Variants in UBE2R2 observed in about 807,000 individuals in gnomAD.
The protein encoded by UBE2R2 is ubiquitin-conjugating enzyme E2 R2.
UBE2R2 carries 1 observed loss-of-function variant against 27.8 expected under a neutral mutation model. The observed-to-expected ratio is 0.04, with a 90% CI of 0.01 to 0.17. The LOEUF is 0.17. Ranked by LOEUF, UBE2R2 falls within the 10% of genes least tolerant of loss-of-function variation. The pLI is 1.00. For synonymous variants in UBE2R2, 106 were observed against 113.3 expected, an observed-to-expected ratio of 0.94 and a Z score of 0.41; for missense variants, 100 against 291.0, an observed-to-expected ratio of 0.34 and a Z score of 4.78.
intron 1 of UBE2R2, among the ~76,000 whole-genome samples, chr9:33,826,106 A>G (rs1156673613): frequency 1.3e-5 from 2 of 151,246 alleles, no homozygotes; most frequent in Non-Finnish European, 2.9e-5. Context: ...ATCTTGTGCC[A>G]CTGCACTCCA....
At chr9:33,824,444 G>A (rs557000377) in intron 1 of UBE2R2, among the ~76,000 whole-genome samples, 37 of 152,106 alleles carry the variant, frequency 2.4e-4, no homozygotes, top group Non-Finnish European at 4.9e-4. Context: ...AGATCATCCT[G>A]GCTAACGTGG....
Position 33,917,245 on chromosome 9 carries a change from C to T in UBE2R2, c.*8C>T, listed in dbSNP as rs752002054. 7 of 1,613,694 alleles carry T rather than the reference C, an allele frequency of 4.3e-6. No homozygotes were observed. The African/African-American group carries it at 9.3e-5, about 22-fold the overall frequency. On this transcript the variant is annotated 3_prime_UTR_variant, in exon 5 of 5. Coordinates refer to ENST00000263228, the MANE Select transcript of UBE2R2 (RefSeq NM_017811.4). ...GGGAATGAGGAGTCGTGACGTGCTC[C>T]TTCAGTGCCCCTGTACTGCCCTGCC...
intron 3 of UBE2R2, 23 bp downstream of exon 3, chr9:33,900,294 A>T: frequency 1.9e-6 from 3 of 1,559,848 alleles, no homozygotes; most frequent in Non-Finnish European, 2.6e-6. Context: ...CTGGTTTTGG[A>T]GTTATTCTTA....
intron 2 of UBE2R2, among the ~76,000 whole-genome samples, chr9:33,897,386 C>T (rs568970693): frequency 8.8e-5 from 13 of 147,804 alleles, no homozygotes; most frequent in East Asian, 4.0e-4. Flanking sequence ...GGTGTGATCT[C>T]GGCTCACCGC....
At chr9:33,827,668 A>C (rs59747303) in intron 1 of UBE2R2, among the ~76,000 whole-genome samples, 1 of 151,810 alleles carries the variant, frequency 6.6e-6, no homozygotes, top group Non-Finnish European at 1.5e-5. Flanking sequence ...AATTAATAAA[A>C]TTAAATTAAA....
chr9:33,872,700 C>T (rs1036190947), intron 1 of UBE2R2, among the ~76,000 whole-genome samples: 6 of 151,614 alleles, frequency 4.0e-5, no homozygotes, highest in Non-Finnish European at 7.4e-5. Flanking sequence ...GCAGGAGAAT[C>T]GCTTGAACCT....
intron 1 of UBE2R2, among the ~76,000 whole-genome samples, chr9:33,886,544 A>G (rs1821856651): frequency 6.6e-6 from 1 of 151,010 alleles, no homozygotes; most frequent in Admixed American, 6.7e-5. Flanking sequence ...AGTCCCAGCT[A>G]CTCGGGAGGC....
intron 2 of UBE2R2, among the ~76,000 whole-genome samples, chr9:33,892,331 A>G (rs1822006244): frequency 6.6e-6 from 1 of 152,232 alleles, no homozygotes; most frequent in South Asian, 2.1e-4. Context: ...TCTTTACTAC[A>G]GACTTCACAG....
chr9:33,907,891 C>A (rs757678677), intron 3 of UBE2R2, among the ~76,000 whole-genome samples: 1 of 151,984 alleles, frequency 6.6e-6, no homozygotes, highest in Non-Finnish European at 1.5e-5. Flanking sequence ...TGCAATGGCA[C>A]GATCTCGGCT....
At chr9:33,879,002 G>A (rs187442127) in intron 1 of UBE2R2, among the ~76,000 whole-genome samples, 5 of 152,250 alleles carry the variant, frequency 3.3e-5, no homozygotes, top group Non-Finnish European at 5.9e-5. Flanking sequence ...AGCATTTTAG[G>A]AGGCCAAAGC....
intron 1 of UBE2R2, among the ~76,000 whole-genome samples, chr9:33,826,968 A>T (rs1002946993): frequency 6.6e-6 from 1 of 152,150 alleles, no homozygotes; most frequent in African/African-American, 2.4e-5. Flanking sequence ...CTGTAGTCCC[A>T]GCTATCCGAG....
At chr9:33,897,775 C>CTTTTTTTTT (rs35277355) in intron 2 of UBE2R2, among the ~76,000 whole-genome samples, 5 of 127,974 alleles carry the variant, frequency 3.9e-5, no homozygotes, top group African/African-American at 1.2e-4. Context: ...TTTCTTTTTT[C>CTTTTTTTTT]TTTTTTTTTT....
At chr9:33,908,485 G>A (rs1314290595) in intron 3 of UBE2R2, among the ~76,000 whole-genome samples, 1 of 128,930 alleles carries the variant, frequency 7.8e-6, no homozygotes, top group Non-Finnish European at 1.9e-5. Flanking sequence ...GAAAGATTCT[G>A]CTCTTCAGAC....
chr9:33,910,115 T>C (rs1040025274), intron 3 of UBE2R2, among the ~76,000 whole-genome samples: 1 of 152,144 alleles, frequency 6.6e-6, no homozygotes, highest in Non-Finnish European at 1.5e-5. Flanking sequence ...AGGAGTAATT[T>C]GGAACAGTTT....
intron 1 of UBE2R2, among the ~76,000 whole-genome samples, chr9:33,832,717 ATT>A (rs1204243885): frequency 8.5e-5 from 13 of 152,064 alleles, no homozygotes; most frequent in Non-Finnish European, 1.5e-4. Flanking sequence ...TTGAACTTTA[ATT>A]AAATTTTTTC....
intron 1 of UBE2R2, among the ~76,000 whole-genome samples, chr9:33,869,719 G>A (rs1821443255): frequency 6.6e-6 from 1 of 151,790 alleles, no homozygotes; most frequent in Non-Finnish European, 1.5e-5. Flanking sequence ...CAAAGTGCTG[G>A]GATTACAGGT....
chr9:33,883,875 G>T (rs1207742480), intron 1 of UBE2R2, among the ~76,000 whole-genome samples: 2 of 150,498 alleles, frequency 1.3e-5, no homozygotes, highest in African/African-American at 4.9e-5. Flanking sequence ...CAAAAGGAAT[G>T]AACAGGCCAG....
At chr9:33,872,310 T>C (rs1821503517) in intron 1 of UBE2R2, among the ~76,000 whole-genome samples, 1 of 151,682 alleles carries the variant, frequency 6.6e-6, no homozygotes, top group African/African-American at 2.4e-5. Flanking sequence ...GGAGATTCAC[T>C]TGAGCCCAGA....
chr9:33,916,692 T>G (rs1440678711), intron 4 of UBE2R2, among the ~76,000 whole-genome samples: 5 of 152,234 alleles, frequency 3.3e-5, no homozygotes, highest in African/African-American at 1.2e-4. Flanking sequence ...CTGTTCTGAT[T>G]CTTAAGTCGC....
Sources: allele counts gnomAD v4.1 joint callset (sites outside exome capture counted in the v4.1 genomes callset), GRCh38; gene constraint gnomAD v4.1.1; transcripts MANE v1.5; gene names NCBI Gene and HGNC (gene_info 2026-07-23, HGNC 2026-07-21).